Variants in SF3A2 observed in about 807,000 individuals in gnomAD.
SF3A2 encodes the protein splicing factor 3a subunit 2, also known as SAP 62.
In SF3A2, 5 loss-of-function variants were observed where a neutral mutation model predicts 31.1. The ratio of observed to expected loss-of-function variants is 0.16; its 90% CI spans 0.08 to 0.34. SF3A2 has a LOEUF of 0.34. Among genes scored for constraint, SF3A2 ranks in the 10% least tolerant of loss-of-function variants. The pLI is 1.00. For synonymous variants in SF3A2, 365 were observed against 263.7 expected (o/e 1.38, Z -3.72); for missense variants, 577 against 643.9 (o/e 0.90, Z 1.13).
chr19:2,247,649 G>C lies in SF3A2; in HGVS notation c.602G>C (p.Arg201Pro). Reference protein sequence around the residue: ...AEGKFWTHWNRETKQFFLQFH... With the variant: ...AEGKFWTHWNPETKQFFLQFH... ...GGCAAGTTCTGGACACACTGGAACC[G>C]GGAGACCAAGCAGGTGAGTGGCTCG... Residue 201 changes from arginine to proline, a missense_variant, in exon 8 of 9, where the codon CGG becomes CCG. Arg to Pro is a moderately radical substitution (Grantham distance 103). Around this residue, in one of 6 missense-constraint regions of SF3A2, gnomAD observed 37 missense variants for 85.0 expected, o/e 0.44. Coordinates refer to ENST00000221494, the MANE Select transcript of SF3A2 (RefSeq NM_007165.5). 1 of 1,613,406 alleles carries C rather than the reference G, an allele frequency of 6.2e-7. No individual in the cohort carries two copies. The highest frequency in any genetic ancestry group is 8.5e-7 in the Non-Finnish European group (1 of 1,179,740).
Position 2,244,700 on chromosome 19 carries a change from C to T in SF3A2, c.199-33C>T, listed in dbSNP as rs1032069996. 9.9e-6 allele frequency: 16 copies of T among 1,613,742 alleles called. No individual in the cohort carries two copies. The Admixed American group carries it at 2.7e-4, about 27-fold the overall frequency. On this transcript the variant is annotated intron_variant, in intron 3 of 8. Coordinates refer to ENST00000221494, the MANE Select transcript of SF3A2 (RefSeq NM_007165.5). ...GACCTGCCTGTGTCTGTCCGCCCGGCCTCGAGTCATGCGTGTTTCCTTTCC... is the reference window on the plus strand; with the variant it reads ...GACCTGCCTGTGTCTGTCCGCCCGGTCTCGAGTCATGCGTGTTTCCTTTCC...
chr19:2,239,564 A>G (rs910738827), intron 1 of SF3A2, among the ~76,000 whole-genome samples: 7 of 151,682 alleles, frequency 4.6e-5, no homozygotes, highest in African/African-American at 1.7e-4. Flanking sequence ...GGATCTTTTT[A>G]TTTGCTGATC....
chr19:2,241,475 C>T (rs991902433), intron 1 of SF3A2, among the ~76,000 whole-genome samples: 3 of 152,214 alleles, frequency 2.0e-5, no homozygotes, highest in South Asian at 2.1e-4. Flanking sequence ...GCTTGAATGT[C>T]CTCCAGAGAA....
rs189748071 is a variant in SF3A2, at chr19:2,244,474, C to T, written c.127-70C>T. The T allele has an allele frequency of 4.6e-5, 58 of 1,257,416 alleles. No individual in the cohort carries two copies. In the East Asian group the frequency reaches 8.6e-4, roughly 19 times the overall value. The allele number at this position is 1,257,416 out of a possible 1,614,324, so 77.9% of individuals were successfully genotyped here. ...CCATGCCTCTACAGAAAGGGGATCC[C>T]GCCTCTGAGGGCCTTGACGGCAGCA... is the stretch of plus-strand genomic sequence containing the variant. On this transcript the variant is annotated intron_variant, in intron 2 of 8. Transcript: ENST00000221494.
chr19:2,244,501 G>A, intron 2 of SF3A2, 43 bp from the exon 3 acceptor site: 1 of 1,537,874 alleles, frequency 6.5e-7, no homozygotes, highest in Non-Finnish European at 8.9e-7. Flanking sequence ...ACGGCAGCAG[G>A]CCGCGATCTT....
rs1260818927 is a variant in SF3A2 at position 2,238,085 on chromosome 19, G to A, written c.-38+1184G>A. Among the ~76,000 whole-genome samples the A allele has an allele frequency of 2.0e-5, 3 of 152,102 alleles. No homozygotes were observed. The East Asian group carries it at 5.8e-4, about 29-fold the overall frequency. On this transcript the variant is annotated intron_variant, in intron 1 of 8. Transcript: ENST00000221494. ...CCCAGGCTGGAGTGAGTGCAGTGGT[G>A]CAATCACAGCTTACTCCAGCCTCAA...
At chr19:2,239,514 C>T (rs985965955) in intron 1 of SF3A2, among the ~76,000 whole-genome samples, 17 of 152,246 alleles carry the variant, frequency 1.1e-4, no homozygotes, top group African/African-American at 3.6e-4. Context: ...TTAACATCTT[C>T]CTTGGTGTCG....
chr19:2,247,235 G>T (rs1386250591), intron 7 of SF3A2: 3 of 119,040 alleles, frequency 2.5e-5, no homozygotes, highest in African/African-American at 1.1e-4. Flanking sequence ...CAATGAGAAG[G>T]GAGGCCGGCA....
At chr19:2,244,880 C>T (rs1384015700) in intron 4 of SF3A2, 101 bp downstream of exon 4, 3 of 1,135,964 alleles carry the variant, frequency 2.6e-6, no homozygotes, top group Non-Finnish European at 3.9e-6. Context: ...GGGAGCCAGC[C>T]TGGCCTGAGC....
intron 2 of SF3A2, 26 bp downstream of exon 2, chr19:2,243,570 T>A: frequency 6.5e-7 from 1 of 1,531,704 alleles, no homozygotes; most frequent in Non-Finnish European, 8.7e-7. Context: ...TGCAGCTGCC[T>A]GTGGTGGGTG....
At chr19:2,243,257 C>G (rs953186052) in intron 1 of SF3A2, 125 bp from the exon 2 acceptor site, 4 of 734,468 alleles carry the variant, frequency 5.4e-6, no homozygotes, top group Non-Finnish European at 8.3e-6. Context: ...GCTGGTTAGA[C>G]CCTGGCGCTG....
rs11557511 is a variant in SF3A2 at position 2,243,463 on chromosome 19, C to T, written c.45C>T (p.Gly15=). ...HRPGGKTGSG[G]VASSSESNRD... Reference sequence around the variant, plus strand: ...CCGGGGGCAAGACCGGGAGCGGGGGCGTGGCCTCCTCCTCCGAGAGCAACC... The same window carrying T: ...CCGGGGGCAAGACCGGGAGCGGGGGTGTGGCCTCCTCCTCCGAGAGCAACC... Residue 15 remains glycine, a synonymous_variant, in exon 2 of 9, where the codon GGC becomes GGT. Coordinates refer to ENST00000221494, the MANE Select transcript of SF3A2 (RefSeq NM_007165.5). 1.9e-6 allele frequency: 3 copies of T among 1,555,116 alleles called. No individual in the cohort carries two copies. Among genetic ancestry groups the T allele is most frequent in the East Asian group, 2.5e-5 (1 of 39,656 alleles).
chr19:2,245,300 A>G lies in SF3A2; in HGVS notation c.246-146A>G. On this transcript the variant is annotated intron_variant, in intron 4 of 8. Coordinates refer to ENST00000221494, the MANE Select transcript of SF3A2 (RefSeq NM_007165.5). The surrounding 1 kb of genome is among the most constrained non-coding windows in gnomAD (Gnocchi z 4.2). ...CTGTCCTATCCCTGTCCTCAGCCAA[A>G]CCCCAGGGCCCCTCCCAGGCCCCTG... The G allele has an allele frequency of 1.6e-6, 1 of 617,024 alleles. No individual in the cohort carries two copies. Among genetic ancestry groups the G allele is most frequent in the Admixed American group, 2.9e-5 (1 of 34,056 alleles). The allele number at this position is 617,024 out of a possible 1,614,324, so 38.2% of individuals were successfully genotyped here. A position where few individuals can be genotyped will look rare whatever the true frequency, so the allele number is the denominator to read the frequency against.
chr19:2,246,265 G>A lies in SF3A2; in HGVS notation c.356-488G>A, dbSNP rs1014105155. Among the ~76,000 whole-genome samples, 4 of 149,776 alleles carry A rather than the reference G, an allele frequency of 2.7e-5. No individual in the cohort carries two copies. The highest frequency in any genetic ancestry group is 7.3e-5 in the African/African-American group (3 of 41,270). ...CGGCAGAGGGCTTGTGAGTGTGCGT[G>A]TCTGAGGCCGCATGGAGAGTGGCCG... On this transcript the variant is annotated intron_variant, in intron 5 of 8. Transcript: ENST00000221494. The surrounding 1 kb of genome is among the most constrained non-coding windows in gnomAD (Gnocchi z 5.5).
rs751172343 is a variant in SF3A2 at position 2,246,827 on chromosome 19, G to A, written c.405+25G>A. ...GGTGAGATCAGGGACTTGGGCGTGG[G>A]GGGCGGCCAAAGGCACCCAAGAGGC... On this transcript the variant is annotated intron_variant, in intron 6 of 8. Coordinates refer to ENST00000221494, the MANE Select transcript of SF3A2 (RefSeq NM_007165.5). The surrounding 1 kb of genome is among the most constrained non-coding windows in gnomAD (Gnocchi z 5.5). 3 of 1,613,748 alleles carry A rather than the reference G, an allele frequency of 1.9e-6. No homozygotes were observed. Among genetic ancestry groups the A allele is most frequent in the Admixed American group, 1.7e-5 (1 of 59,996 alleles).
chr19:2,248,513 AG>A lies in SF3A2; in HGVS notation c.1365del (p.Asn456ThrfsTer29). 3 of 1,140,098 alleles carry A rather than the reference AG, an allele frequency of 2.6e-6. No individual in the cohort carries two copies. The highest frequency in any genetic ancestry group is 3.3e-6 in the Non-Finnish European group (3 of 896,360). The allele number at this position is 1,140,098 out of a possible 1,614,324, so 70.6% of individuals were successfully genotyped here. ...LRPPLPSEGP[G>X]NIPPPPPTN is the part of the protein sequence containing the mutation. ...GGCCCCCACTTCCCTCCGAAGGCCC[AG>A]GGAACATACCTCCCCCTCCCCCAAC... On this transcript the variant is annotated frameshift_variant, in exon 9 of 9. Transcript: ENST00000221494. LOFTEE classifies it high-confidence loss of function.
intron 1 of SF3A2, among the ~76,000 whole-genome samples, chr19:2,239,519 G>T (rs2024870908): frequency 6.6e-6 from 1 of 152,094 alleles, no homozygotes; most frequent in African/African-American, 2.4e-5. Flanking sequence ...ATCTTCCTTG[G>T]TGTCGTAAAA....
chr19:2,248,504 C>A lies in SF3A2; in HGVS notation c.1353C>A (p.Ser451=). 1 of 1,201,842 alleles carries A rather than the reference C, an allele frequency of 8.3e-7. No homozygotes were observed. Among genetic ancestry groups the A allele is most frequent in the Non-Finnish European group, 1.1e-6 (1 of 921,962 alleles). 74.4% of individuals were successfully genotyped at this position (1,201,842 alleles called of 1,614,324 possible). A position where few individuals can be genotyped will look rare whatever the true frequency, so the allele number is the denominator to read the frequency against. Residue 451 remains serine (S), a synonymous_variant, in exon 9 of 9, where the codon TCC becomes TCA. Transcript: ENST00000221494. ...MPPMLRPPLP[S]EGPGNIPPPP... ...CAATGCTGAGGCCCCCACTTCCCTC[C>A]GAAGGCCCAGGGAACATACCTCCCC...
In SF3A2 at chr19:2,243,563, A is replaced by G. The variant is rs1179245215; in HGVS notation, c.126+19A>G. The G allele has an allele frequency of 6.5e-7, 1 of 1,535,544 alleles. No homozygotes were observed. The highest frequency in any genetic ancestry group is 8.7e-7 in the Non-Finnish European group (1 of 1,150,274). ...CAACAAGGTGGGCCAGCCACCGTGC[A>G]GCTGCCTGTGGTGGGTGCTGGGCTT... On this transcript the variant is annotated intron_variant, in intron 2 of 8. Coordinates refer to ENST00000221494, the MANE Select transcript of SF3A2 (RefSeq NM_007165.5).
Sources: allele counts gnomAD v4.1 joint callset (sites outside exome capture counted in the v4.1 genomes callset), GRCh38; gene constraint gnomAD v4.1.1; regional missense constraint gnomAD v4.1.1; non-coding constraint Gnocchi (gnomAD v3.1); transcripts MANE v1.5; gene names NCBI Gene and HGNC (gene_info 2026-07-23, HGNC 2026-07-21).